Variants in SDCCAG8 observed in about 807,000 individuals in gnomAD.
SDCCAG8 encodes SHH signaling and ciliogenesis regulator SDCCAG8.
SDCCAG8 carries 74 observed loss-of-function variants against 101.8 expected under a neutral mutation model. That is an observed-to-expected ratio of 0.73 (90% confidence interval 0.60 to 0.88). SDCCAG8 has a LOEUF of 0.88. Ranked by LOEUF, SDCCAG8 falls within the 40% of genes least tolerant of loss-of-function variation. The pLI is 0.00. For missense variants in SDCCAG8, 787 were observed against 822.6 expected (o/e 0.96, Z 0.53); for synonymous variants, 281 against 292.9 (o/e 0.96, Z 0.41).
At chr1:243,399,621 C>T (rs916009869) in intron 13 of SDCCAG8, among the ~76,000 whole-genome samples, 1 of 152,090 alleles carries the variant, frequency 6.6e-6, no homozygotes, top group African/African-American at 2.4e-5. Flanking sequence ...ATTCTCCTGC[C>T]TCAGCCTCCC....
chr1:243,308,107 G>A lies in SDCCAG8; in HGVS notation c.859G>A (p.Ala287Thr). The change falls in exon 8 of 18, where the codon GCT (alanine) becomes ACT (threonine). Residue 287 changes from alanine to threonine, a missense_variant. Coordinates refer to ENST00000366541, the MANE Select transcript of SDCCAG8 (RefSeq NM_006642.5). ...NRVGGLCLKCAQHEAVLSQTH... is the reference protein window; with the variant it reads ...NRVGGLCLKCTQHEAVLSQTH... ...TGTTGGTGGTCTTTGTTTGAAATGT[G>A]CTCAGCATGAAGCTGTTCTTTCCCA... The A allele has an allele frequency of 6.2e-7, 1 of 1,614,194 alleles. No individual in the cohort carries two copies. The highest frequency in any genetic ancestry group is 8.5e-7 in the Non-Finnish European group (1 of 1,180,042).
chr1:243,257,040 A>G (rs1415686894), intron 1 of SDCCAG8, among the ~76,000 whole-genome samples: 2 of 152,232 alleles, frequency 1.3e-5, no homozygotes, highest in Non-Finnish European at 2.9e-5. Context: ...CATATATAAC[A>G]TCTAGAAATT....
chr1:243,452,839 G>A (rs1469316243), intron 16 of SDCCAG8, among the ~76,000 whole-genome samples: 4 of 152,296 alleles, frequency 2.6e-5, no homozygotes, highest in Admixed American at 6.5e-5. Context: ...CAATTATTCT[G>A]TGAGGGCTTC....
At chr1:243,317,515 T>A (rs2149332630) in intron 9 of SDCCAG8, among the ~76,000 whole-genome samples, 1 of 152,202 alleles carries the variant, frequency 6.6e-6, no homozygotes, top group South Asian at 2.1e-4. Flanking sequence ...GAGATGGTGT[T>A]TCACCATGTT....
chr1:243,313,488 C>T (rs1465193254), intron 8 of SDCCAG8, among the ~76,000 whole-genome samples: 1 of 152,168 alleles, frequency 6.6e-6, no homozygotes, highest in Non-Finnish European at 1.5e-5. Flanking sequence ...CGTGTAAGTA[C>T]ATGCTTTTCA....
intron 5 of SDCCAG8, among the ~76,000 whole-genome samples, chr1:243,286,722 G>C (rs1017054283): frequency 6.6e-6 from 1 of 152,206 alleles, no homozygotes; most frequent in Non-Finnish European, 1.5e-5. Flanking sequence ...CTTTAACTTA[G>C]ATTTCTGTTG....
chr1:243,357,237 G>C (rs181256049), intron 12 of SDCCAG8, among the ~76,000 whole-genome samples: 29 of 152,242 alleles, frequency 1.9e-4, no homozygotes, highest in Non-Finnish European at 2.9e-4. Context: ...AAATTAGCCA[G>C]GCGTGGTGGC....
chr1:243,435,692 G>A (rs1179368723), intron 16 of SDCCAG8, among the ~76,000 whole-genome samples: 4 of 152,040 alleles, frequency 2.6e-5, no homozygotes, highest in South Asian at 2.1e-4. Context: ...TTTGGACCAC[G>A]ACTTGGGATA....
intron 16 of SDCCAG8, among the ~76,000 whole-genome samples, chr1:243,459,677 A>T (rs1658651943): frequency 6.6e-6 from 1 of 152,170 alleles, no homozygotes; most frequent in Admixed American, 6.6e-5. Flanking sequence ...GCACAATCAT[A>T]GCTCGTGGCA....
At chr1:243,469,902 T>C (rs3006915) in intron 16 of SDCCAG8, among the ~76,000 whole-genome samples, 7,834 of 148,204 alleles carry the variant, frequency 0.053, 746 homozygotes, top group African/African-American at 0.19. Flanking sequence ...TAATAATACC[T>C]ATCTCTCAGA....
intron 2 of SDCCAG8, 116 bp from the exon 3 acceptor site, chr1:243,270,862 G>A (rs950935220): frequency 5.6e-5 from 42 of 753,244 alleles, no homozygotes; most frequent in Admixed American, 9.7e-5. Context: ...CCAGTTGATA[G>A]CAGAATTCTT....
chr1:243,412,722 A>G (rs911177448), intron 13 of SDCCAG8, among the ~76,000 whole-genome samples: 1 of 152,086 alleles, frequency 6.6e-6, no homozygotes, highest in Admixed American at 6.5e-5. Flanking sequence ...GCTCTAGAGT[A>G]TTATAAAATA....
At chr1:243,449,349 G>A (rs1574104965) in intron 16 of SDCCAG8, among the ~76,000 whole-genome samples, 1 of 152,214 alleles carries the variant, frequency 6.6e-6, no homozygotes, top group East Asian at 1.9e-4. Flanking sequence ...GGTTCCCCCA[G>A]TGGCTGATAC....
At chr1:243,315,260 T>G (rs2073137324) in intron 8 of SDCCAG8, among the ~76,000 whole-genome samples, 1 of 152,220 alleles carries the variant, frequency 6.6e-6, no homozygotes, top group Non-Finnish European at 1.5e-5. Context: ...TTATAGAACT[T>G]TTATGGAAAT....
chr1:243,478,930 C>T (rs1356793475), intron 16 of SDCCAG8, among the ~76,000 whole-genome samples: 10 of 135,778 alleles, frequency 7.4e-5, no homozygotes, highest in Non-Finnish European at 1.1e-4. Flanking sequence ...TGCACTCCAG[C>T]CTGGCCACAG....
chr1:243,316,374 C>T (rs1197252857), intron 8 of SDCCAG8, among the ~76,000 whole-genome samples: 1 of 152,206 alleles, frequency 6.6e-6, no homozygotes, highest in African/African-American at 2.4e-5. Flanking sequence ...CTCAGTCCTT[C>T]CTTAAAATGT....
chr1:243,394,699 T>G (rs2078929545), intron 13 of SDCCAG8, among the ~76,000 whole-genome samples: 1 of 152,206 alleles, frequency 6.6e-6, no homozygotes, highest in South Asian at 2.1e-4. Context: ...TATTTTACCT[T>G]CCATCCTACG....
At chr1:243,349,132 C>T (rs1376615618) in intron 12 of SDCCAG8, among the ~76,000 whole-genome samples, 1 of 152,138 alleles carries the variant, frequency 6.6e-6, no homozygotes, top group South Asian at 2.1e-4. Context: ...GCACTGATCA[C>T]GTGCCCAAGA....
intron 13 of SDCCAG8, among the ~76,000 whole-genome samples, chr1:243,406,407 G>A (rs1334453562): frequency 6.6e-6 from 1 of 152,168 alleles, no homozygotes; most frequent in Non-Finnish European, 1.5e-5. Context: ...AGTGTGCATT[G>A]TCAAATGCAC....
Sources: gnomAD v4.1 joint callset for allele counts (sites outside exome capture counted in the v4.1 genomes callset) on GRCh38, gnomAD v4.1.1 for gene constraint, MANE v1.5 for transcripts, NCBI Gene and HGNC (gene_info 2026-07-23, HGNC 2026-07-21) for gene names.